The following CREB5 variants were observed in gnomAD, a reference collection of about 807,000 sequenced individuals.
CREB5 encodes the protein cAMP responsive element binding protein 5, also known as cyclic AMP-responsive element-binding protein 5.
Under a neutral mutation model 57.1 loss-of-function variants are expected in CREB5, and 19 were observed. The ratio of observed to expected loss-of-function variants is 0.33; its 90% CI spans 0.23 to 0.49. The LOEUF (loss-of-function observed/expected upper bound fraction) is 0.49. Ranked by LOEUF, CREB5 falls within the 20% of genes least tolerant of loss-of-function variation. The pLI, the probability that CREB5 is intolerant of heterozygous loss-of-function variation, is 0.99. For synonymous variants in CREB5, 238 were observed against 238.3 expected (o/e 1.00, Z 0.01); for missense variants, 579 against 671.6 (o/e 0.86, Z 1.52).
At chr7:28,740,912 A>G (rs1042894306) in intron 7 of CREB5, among the ~76,000 whole-genome samples, 6 of 152,204 alleles carry the variant, frequency 3.9e-5, no homozygotes, top group Non-Finnish European at 8.8e-5. Flanking sequence ...AAAAAATATC[A>G]AAAGGACATA....
intron 7 of CREB5, among the ~76,000 whole-genome samples, chr7:28,790,507 A>C (rs921236013): frequency 6.6e-6 from 1 of 152,140 alleles, no homozygotes; most frequent in Non-Finnish European, 1.5e-5. Context: ...AAAAAGAAAG[A>C]AAAATAAAGA....
At chr7:28,415,616 C>A (rs60435133) in intron 1 of CREB5, among the ~76,000 whole-genome samples, 6,711 of 151,976 alleles carry the variant, frequency 0.044, 505 homozygotes, top group African/African-American at 0.15. Flanking sequence ...TTAAATTCTC[C>A]TTTTTTCATC....
intron 7 of CREB5, among the ~76,000 whole-genome samples, chr7:28,745,700 C>T (rs1804650375): frequency 6.6e-6 from 1 of 152,226 alleles, no homozygotes; most frequent in South Asian, 2.1e-4. Context: ...GAGCATGCTG[C>T]TGTTCTAGCA....
chr7:28,323,686 C>T (rs1044963206), intron 1 of CREB5, among the ~76,000 whole-genome samples: 1 of 152,152 alleles, frequency 6.6e-6, no homozygotes, highest in East Asian at 1.9e-4. Context: ...TTATGGAAGA[C>T]AATTTTTCCA....
At chr7:28,533,825 GTCC>G (rs1793840349) in intron 4 of CREB5, among the ~76,000 whole-genome samples, 3 of 152,166 alleles carry the variant, frequency 2.0e-5, no homozygotes, top group Admixed American at 2.0e-4. Flanking sequence ...AATCATCCTT[GTCC>G]TCCTCTTCTT....
chr7:28,721,699 T>A (rs1042231498), intron 6 of CREB5, among the ~76,000 whole-genome samples: 2 of 152,254 alleles, frequency 1.3e-5, no homozygotes, highest in African/African-American at 2.4e-5. Context: ...GTTGAGCACC[T>A]TCTATGTGCC....
chr7:28,481,095 G>A (rs1408283323), intron 1 of CREB5, among the ~76,000 whole-genome samples: 2 of 151,972 alleles, frequency 1.3e-5, no homozygotes, highest in Non-Finnish European at 2.9e-5. Flanking sequence ...GTACGTGAGA[G>A]GACGTGAGCC....
At chr7:28,765,789 A>G (rs1430065073) in intron 7 of CREB5, among the ~76,000 whole-genome samples, 4 of 152,232 alleles carry the variant, frequency 2.6e-5, no homozygotes, top group Non-Finnish European at 5.9e-5. Context: ...GCCCTTAGAC[A>G]GAAAATGATA....
chr7:28,550,017 A>T (rs1197132419), intron 4 of CREB5, among the ~76,000 whole-genome samples: 1 of 152,166 alleles, frequency 6.6e-6, no homozygotes, highest in East Asian at 1.9e-4. Context: ...TCATGACATC[A>T]CTAAGCTTCA....
At chr7:28,606,089 G>A (rs1172552385) in intron 5 of CREB5, among the ~76,000 whole-genome samples, 2 of 152,088 alleles carry the variant, frequency 1.3e-5, no homozygotes, top group Admixed American at 6.6e-5. Flanking sequence ...ATTACTACCA[G>A]CTCTCTAATT....
chr7:28,685,562 G>A (rs997744801), intron 5 of CREB5, among the ~76,000 whole-genome samples: 10 of 151,752 alleles, frequency 6.6e-5, no homozygotes, highest in African/African-American at 2.4e-4. Flanking sequence ...ACTGAGGTTA[G>A]TTTTTCACAC....
In CREB5 at chr7:28,522,390, G is replaced by GTTT. The variant is rs11291433; in HGVS notation, c.291+14672_291+14674dup. Among the ~76,000 whole-genome samples, 154 of 97,584 alleles carry GTTT rather than the reference G, an allele frequency of 1.6e-3. 8 individuals carry two copies. The highest frequency in any genetic ancestry group is 4.5e-3 in the African/African-American group (123 of 27,582). The allele number at this position is 97,584 out of a possible 152,430, so 64.0% of individuals were successfully genotyped here. A position where few individuals can be genotyped will look rare whatever the true frequency, so the allele number is the denominator to read the frequency against. On this transcript the variant is annotated intron_variant, in intron 4 of 10. Transcript: ENST00000357727. Reference sequence around the variant, plus strand: ...CTGCACTGACTATATCCTGCTCTTTGTTTTTTTTTTTTTTTTTTTTTCTGA... The same window carrying GTTT: ...CTGCACTGACTATATCCTGCTCTTTGTTTTTTTTTTTTTTTTTTTTTTTTCTGA...
chr7:28,817,643 TTC>T (rs1809515066), intron 9 of CREB5, among the ~76,000 whole-genome samples: 1 of 152,218 alleles, frequency 6.6e-6, no homozygotes, highest in African/African-American at 2.4e-5. Context: ...CTGGGTATTG[TTC>T]TGTTTCCCAT....
intron 4 of CREB5, among the ~76,000 whole-genome samples, chr7:28,560,865 C>CG (rs1491128731): frequency 0.036 from 529 of 14,782 alleles, 49 homozygotes; most frequent in Non-Finnish European, 0.045. Flanking sequence ...TGTGCGTGTG[C>CG]CTGCGTGCGC....
At chr7:28,462,243 A>G (rs1048386280) in intron 1 of CREB5, among the ~76,000 whole-genome samples, 1 of 152,224 alleles carries the variant, frequency 6.6e-6, no homozygotes, top group Non-Finnish European at 1.5e-5. Flanking sequence ...AGCATGTATC[A>G]GTACTTCATT....
Position 28,352,155 on chromosome 7 carries a change from G to T in CREB5, c.-25+52714G>T, listed in dbSNP as rs192840199. 5.1e-4 allele frequency among the ~76,000 whole-genome samples: 77 copies of T among 152,286 alleles called. 1 individual carries two copies. Among genetic ancestry groups the T allele is most frequent in the Admixed American group, 4.6e-3 (71 of 15,306 alleles). ...TCTGATCATTTTTCATAGAGTCTTT[G>T]GCATTGGGTTGGACAATGATGGAAA... On this transcript the variant is annotated intron_variant, in intron 1 of 9. Coordinates refer to the CREB5 transcript ENST00000396299.
At chr7:28,754,195 C>T (rs1805154927) in intron 7 of CREB5, among the ~76,000 whole-genome samples, 1 of 152,160 alleles carries the variant, frequency 6.6e-6, no homozygotes, top group Non-Finnish European at 1.5e-5. Flanking sequence ...ACAGCTGAAT[C>T]TACAGGCTTT....
intron 1 of CREB5, among the ~76,000 whole-genome samples, chr7:28,324,626 C>G (rs186209877): frequency 6.6e-6 from 1 of 152,248 alleles, no homozygotes; most frequent in African/African-American, 2.4e-5. Flanking sequence ...TAATCCCAAG[C>G]AATATTTTTT....
At chr7:28,760,359 T>C (rs1805575238) in intron 7 of CREB5, among the ~76,000 whole-genome samples, 1 of 152,236 alleles carries the variant, frequency 6.6e-6, no homozygotes, top group Non-Finnish European at 1.5e-5. Context: ...TGATGCATCA[T>C]GGCAGGTTAA....
Sources: gnomAD v4.1 joint callset for allele counts (sites outside exome capture counted in the v4.1 genomes callset) on GRCh38, gnomAD v4.1.1 for gene constraint, MANE v1.5 for transcripts, NCBI Gene and HGNC (gene_info 2026-07-23, HGNC 2026-07-21) for gene names.